Variants in MTMR3 observed in about 807,000 individuals in gnomAD.
The protein encoded by MTMR3 is myotubularin related protein 3, also known as phosphatidylinositol-3,5-bisphosphate 3-phosphatase MTMR3.
In MTMR3, 32 loss-of-function variants were observed where a neutral mutation model predicts 132.4. The observed-to-expected ratio is 0.24, with a 90% confidence interval of 0.18 to 0.32. MTMR3 has a LOEUF of 0.32. Among genes scored for constraint, MTMR3 ranks in the 10% least tolerant of loss-of-function variants. The pLI is 1.00. For missense variants in MTMR3, 1,216 were observed against 1,489.6 expected (o/e 0.82, Z 3.02); for synonymous variants, 556 against 550.3 (o/e 1.01, Z -0.14).
intron 1 of MTMR3, among the ~76,000 whole-genome samples, chr22:29,948,681 T>C (rs1436444669): frequency 1.3e-5 from 2 of 152,096 alleles, no homozygotes; most frequent in African/African-American, 4.8e-5. Context: ...GTTTAGAAAT[T>C]TGTCTTTTTG....
Position 30,020,452 on chromosome 22 carries a change from C to T in MTMR3, c.2793C>T (p.Ala931=), listed in dbSNP as rs763672408. The T allele has an allele frequency of 4.3e-6, 7 of 1,614,010 alleles. No individual in the cohort carries two copies. The highest frequency in any genetic ancestry group is 5.9e-6 in the Non-Finnish European group (7 of 1,180,034). ...ECKEGLVCNG[A]PETENRASEQ... ...AAGAGGGGCTTGTGTGCAATGGTGC[C>T]CCAGAGACTGAAAACAGGGCCTCAG... is the stretch of plus-strand genomic sequence containing the variant. The change falls in exon 17 of 20, where the codon GCC becomes GCT. Residue 931 remains alanine (A), a synonymous_variant. Transcript: ENST00000401950.
chr22:29,912,864 C>G (rs188592429), intron 1 of MTMR3, among the ~76,000 whole-genome samples: 3 of 152,212 alleles, frequency 2.0e-5, no homozygotes, highest in African/African-American at 7.2e-5. Flanking sequence ...TTGGCCTGAA[C>G]TGTTTTAGCT....
At chr22:29,978,817 A>T in intron 4 of MTMR3, 119 bp from the exon 5 acceptor site, 1 of 769,354 alleles carries the variant, frequency 1.3e-6, no homozygotes, top group Non-Finnish European at 2.2e-6. Context: ...TTATCTACTT[A>T]TGTGCTGTGT....
At chr22:29,913,069 AC>A in intron 1 of MTMR3, among the ~76,000 whole-genome samples, 1 of 151,690 alleles carries the variant, frequency 6.6e-6, no homozygotes, top group Non-Finnish European at 1.5e-5. Flanking sequence ...ACATTGCAAG[AC>A]CCCCTCTACA....
chr22:29,915,350 C>T (rs754077046), intron 1 of MTMR3, among the ~76,000 whole-genome samples: 1 of 152,152 alleles, frequency 6.6e-6, no homozygotes, highest in Non-Finnish European at 1.5e-5. Context: ...TATATATTTG[C>T]AATGCATTTC....
intron 1 of MTMR3, among the ~76,000 whole-genome samples, chr22:29,949,819 GA>G (rs2066039185): frequency 6.6e-6 from 1 of 152,144 alleles, no homozygotes; most frequent in South Asian, 2.1e-4. Context: ...GTATGTTTAA[GA>G]GGGGCAGAAG....
rs117525816 is a variant in MTMR3 at position 30,016,407 on chromosome 22, C to T, written c.1504-121C>T. 107 of 1,166,516 alleles carry T rather than the reference C, an allele frequency of 9.2e-5. No individual in the cohort carries two copies. The East Asian group carries it at 2.2e-3, about 25-fold the overall frequency. The allele number at this position is 1,166,516 out of a possible 1,614,324, so 72.3% of individuals were successfully genotyped here. A position where few individuals can be genotyped will look rare whatever the true frequency, so the allele number is the denominator to read the frequency against. ...CTACTGCATGGCTTACTGGGTTCCC[C>T]GTCCTGACAGAGTAAATTGAAGTGT... On this transcript the variant is annotated intron_variant, in intron 14 of 19. Coordinates refer to ENST00000401950, the MANE Select transcript of MTMR3 (RefSeq NM_021090.4).
chr22:29,978,475 C>T lies in MTMR3; in HGVS notation c.37C>T (p.Gln13Ter). 6.2e-7 allele frequency: 1 copy of T among 1,613,790 alleles called. No individual in the cohort carries two copies. The highest frequency in any genetic ancestry group is 8.5e-7 in the Non-Finnish European group (1 of 1,179,800). The change falls in exon 4 of 20, where the codon CAG (glutamine) becomes TAG (stop). Residue 13 changes from glutamine to a stop codon, truncating the protein, a stop_gained. Transcript: ENST00000401950. LOFTEE classifies it high-confidence loss of function. ...EETRHSLECI[Q>*]ANQIFPRKQL... Reference sequence around the variant, plus strand: ...GACTCGGCACAGCCTTGAGTGCATCCAGGCCAATCAGATCTTTCCCAGGAA... The same window carrying T: ...GACTCGGCACAGCCTTGAGTGCATCTAGGCCAATCAGATCTTTCCCAGGAA...
At chr22:29,977,691 C>A (rs192593508) in intron 3 of MTMR3, among the ~76,000 whole-genome samples, 40 of 152,282 alleles carry the variant, frequency 2.6e-4, no homozygotes, top group Non-Finnish European at 4.1e-4. Context: ...CATAGATAGT[C>A]CTGTTTCACT....
chr22:29,997,176 C>G (rs2067079204), intron 7 of MTMR3: 1 of 152,164 alleles, frequency 6.6e-6, no homozygotes, highest in African/African-American at 2.4e-5. Context: ...TTTATTTCTT[C>G]TTGCACCTCA....
chr22:29,940,825 C>G (rs2065843429), intron 1 of MTMR3, among the ~76,000 whole-genome samples: 1 of 149,920 alleles, frequency 6.7e-6, no homozygotes, highest in African/African-American at 2.5e-5. Flanking sequence ...TTTCAAGGAA[C>G]CTCAGACTTT....
chr22:30,020,341 A>G lies in MTMR3; in HGVS notation c.2682A>G (p.Gln894=), dbSNP rs367765744. 9 of 1,614,076 alleles carry G rather than the reference A, an allele frequency of 5.6e-6. No homozygotes were observed. The African/African-American group carries it at 6.7e-5, about 12-fold the overall frequency. The change falls in exon 17 of 20, where the codon CAA becomes CAG. Residue 894 remains glutamine, a synonymous_variant. Coordinates refer to ENST00000401950, the MANE Select transcript of MTMR3 (RefSeq NM_021090.4). The part of the protein sequence containing the change: ...PSETSLVERP[Q]VGSVVHRTSL... ...AGACAAGCCTGGTCGAGAGGCCCCA[A>G]GTGGGGTCTGTGGTGCATAGGACTT...
Position 29,970,956 on chromosome 22 carries a change from C to CCTTT in MTMR3, c.-84-20_-84-19insCTTT. 1 of 807,610 alleles carries CCTTT rather than the reference C, an allele frequency of 1.2e-6. No homozygotes were observed. Among genetic ancestry groups the CCTTT allele is most frequent in the Non-Finnish European group, 1.8e-6 (1 of 546,286 alleles). The allele number at this position is 807,610 out of a possible 1,614,324, so 50.0% of individuals were successfully genotyped here. A position where few individuals can be genotyped will look rare whatever the true frequency, so the allele number is the denominator to read the frequency against. On this transcript the variant is annotated intron_variant, in intron 2 of 19. Transcript: ENST00000401950. ...TCCTCTTTTTTTTTTCTTCTTCCCC[C>CCTTT]TCTTCCCCCCCACCCCCAGACTTCA...
At position 30,022,153 on chromosome 22, in the gene MTMR3, C is replaced by G; in HGVS notation, c.3336+14C>G. The G allele has an allele frequency of 6.3e-6, 10 of 1,592,216 alleles. No homozygotes were observed. The highest frequency in any genetic ancestry group is 5.2e-6 in the Non-Finnish European group (6 of 1,160,150). On this transcript the variant is annotated intron_variant, in intron 18 of 19. Coordinates refer to ENST00000401950, the MANE Select transcript of MTMR3 (RefSeq NM_021090.4). ...CAGGACACAGAGGTACAGGCTCAGC[C>G]CCTGCTCTGAGTGCCATCAATTTAA...
At position 30,012,359 on chromosome 22, in the gene MTMR3, T is replaced by C; in HGVS notation, c.1122-9T>C. ...ATCAGCATTTTCTAATCCTCTCCTG[T>C]TTTTATAGTTGGCTATCAGCTCTTG... On this transcript the variant is annotated splice_polypyrimidine_tract_variant and intron_variant, in intron 12 of 19. Transcript: ENST00000401950. The C allele has an allele frequency of 1.2e-6, 2 of 1,611,158 alleles. No individual in the cohort carries two copies. Among genetic ancestry groups the C allele is most frequent in the Non-Finnish European group, 1.7e-6 (2 of 1,179,026 alleles).
At position 30,019,469 on chromosome 22, in the gene MTMR3, C is replaced by G; in HGVS notation, c.1821-11C>G. On this transcript the variant is annotated splice_polypyrimidine_tract_variant and intron_variant, in intron 16 of 19. Coordinates refer to ENST00000401950, the MANE Select transcript of MTMR3 (RefSeq NM_021090.4). ...CAAGATTTTCATTTCCCCCAAATTC[C>G]TTTCCTTTAGGCTACCAAAGACTAG... 3 of 1,580,272 alleles carry G rather than the reference C, an allele frequency of 1.9e-6. No individual in the cohort carries two copies. Among genetic ancestry groups the G allele is most frequent in the Non-Finnish European group, 2.6e-6 (3 of 1,166,526 alleles).
chr22:29,894,879 A>T (rs2064863451), intron 1 of MTMR3, among the ~76,000 whole-genome samples: 1 of 152,194 alleles, frequency 6.6e-6, no homozygotes, highest in Non-Finnish European at 1.5e-5. Flanking sequence ...TTTCTGGGTT[A>T]AGACATTTGT....
At chr22:29,970,201 G>A (rs1346344286) in intron 2 of MTMR3, among the ~76,000 whole-genome samples, 1 of 152,092 alleles carries the variant, frequency 6.6e-6, no homozygotes, top group Non-Finnish European at 1.5e-5. Context: ...TGGGTAATAA[G>A]GCAAATTTAT....
At chr22:30,000,861 T>C (rs993774342) in intron 8 of MTMR3, 4 of 152,184 alleles carry the variant, frequency 2.6e-5, no homozygotes, top group Non-Finnish European at 5.9e-5. Flanking sequence ...GAGTAGGTAG[T>C]GCATACTGAA....
Sources: allele counts gnomAD v4.1 joint callset (sites outside exome capture counted in the v4.1 genomes callset), GRCh38; gene constraint gnomAD v4.1.1; transcripts MANE v1.5; gene names NCBI Gene and HGNC (gene_info 2026-07-23, HGNC 2026-07-21).